Variants in PIGL observed in about 807,000 individuals in gnomAD.
The protein encoded by PIGL is phosphatidylinositol glycan anchor biosynthesis class L, also known as N-acetylglucosaminyl-phosphatidylinositol de-N-acetylase.
PIGL carries 22 observed loss-of-function variants against 31.1 expected under a neutral mutation model. The ratio of observed to expected loss-of-function variants is 0.71; its 90% CI spans 0.51 to 1.01. PIGL has a LOEUF of 1.01. Ranked by LOEUF, PIGL falls within the 50% of genes least tolerant of loss-of-function variation. The probability of loss-of-function intolerance (pLI) is 0.00; values close to 1 mark genes in which losing one functional copy is unlikely to be tolerated. For missense variants in PIGL, 302 were observed against 315.9 expected, an observed-to-expected ratio of 0.96 and a Z score of 0.33; for synonymous variants, 131 against 117.4, an observed-to-expected ratio of 1.12 and a Z score of -0.75.
At chr17:16,258,811 C>CT (rs2092807929) in intron 2 of PIGL, among the ~76,000 whole-genome samples, 1 of 152,110 alleles carries the variant, frequency 6.6e-6, no homozygotes, top group African/African-American at 2.4e-5. Context: ...TGGAAGTAGA[C>CT]ATTTTTTTAT....
rs1008296120 is a variant in PIGL, at chr17:16,224,350, A to G, written c.235+6889A>G. Reference sequence around the variant, plus strand: ...CCAAATACCTTTTTTATGGGGGAAGACAGAGCCTCACTGTTGCACAATCTT... The same window carrying G: ...CCAAATACCTTTTTTATGGGGGAAGGCAGAGCCTCACTGTTGCACAATCTT... On this transcript the variant is annotated intron_variant, in intron 1 of 6. Coordinates refer to ENST00000225609, the MANE Select transcript of PIGL (RefSeq NM_004278.4). Among the ~76,000 whole-genome samples, 3 of 152,118 alleles carry G rather than the reference A, an allele frequency of 2.0e-5. No individual in the cohort carries two copies. The South Asian group carries it at 6.2e-4, about 32-fold the overall frequency.
At chr17:16,282,357 TATAGG>T (rs2092919925) in intron 2 of PIGL, among the ~76,000 whole-genome samples, 1 of 152,042 alleles carries the variant, frequency 6.6e-6, no homozygotes, top group East Asian at 1.9e-4. Context: ...AAGCCTAAGT[TATAGG>T]AGAGAGATAG....
chr17:16,299,800 C>A, intron 2 of PIGL, 88 bp from the exon 3 acceptor site: 1 of 900,810 alleles, frequency 1.1e-6, no homozygotes, highest in Non-Finnish European at 1.9e-6. Context: ...ATGTAACTAT[C>A]ATAAAACTGG....
intron 2 of PIGL, among the ~76,000 whole-genome samples, chr17:16,271,822 G>A (rs1262631435): frequency 6.6e-6 from 1 of 152,178 alleles, no homozygotes; most frequent in East Asian, 1.9e-4. Context: ...GAACCACTGT[G>A]CCCGGCCAGA....
chr17:16,310,077 C>CAAAAAAAAAAAAAAA (rs58352380), intron 3 of PIGL, among the ~76,000 whole-genome samples: 1 of 88,780 alleles, frequency 1.1e-5, no homozygotes. Context: ...GACTCCATCT[C>CAAAAAAAAAAAAAAA]AAAAAAAAAA....
intron 1 of PIGL, among the ~76,000 whole-genome samples, chr17:16,223,347 G>C (rs2092637807): frequency 1.3e-5 from 2 of 151,974 alleles, no homozygotes; most frequent in South Asian, 4.2e-4. Flanking sequence ...GGGAGGCCAA[G>C]GTGGGCAGAT....
Position 16,232,890 on chromosome 17 carries a change from C to T in PIGL, c.236-1081C>T, listed in dbSNP as rs145625475. ...ATCCCAGCACTTTGGGAGGCTGAGG[C>T]GGATGGATCACAAGGTCAGGAGTTC... On this transcript the variant is annotated intron_variant, in intron 1 of 6. Coordinates refer to ENST00000225609, the MANE Select transcript of PIGL (RefSeq NM_004278.4). Among the ~76,000 whole-genome samples the T allele has an allele frequency of 4.0e-3, 610 of 152,052 alleles. 2 individuals carry two copies. Among genetic ancestry groups the T allele is most frequent in the Non-Finnish European group, 6.3e-3 (425 of 67,964 alleles).
At chr17:16,319,223 C>CAAAAAAAAAAA (rs11379081) in intron 6 of PIGL, among the ~76,000 whole-genome samples, 1 of 82,980 alleles carries the variant, frequency 1.2e-5, no homozygotes, top group African/African-American at 4.4e-5. Context: ...AGACCCTAGC[C>CAAAAAAAAAAA]AAAAAAAAAA....
rs116819904 is a variant in PIGL at position 16,249,148 on chromosome 17, G to T, written c.335+15078G>T. On this transcript the variant is annotated intron_variant, in intron 2 of 6. Coordinates refer to ENST00000225609, the MANE Select transcript of PIGL (RefSeq NM_004278.4). Reference sequence around the variant, plus strand: ...AACTGTGGTCTAAAAATATTAAATGGAAATTCCAGAAATAAACAATTTATA... The same window carrying T: ...AACTGTGGTCTAAAAATATTAAATGTAAATTCCAGAAATAAACAATTTATA... Among the ~76,000 whole-genome samples the T allele has an allele frequency of 6.3e-3, 962 of 152,236 alleles. 18 individuals carry two copies. The highest frequency in any genetic ancestry group is 0.022 in the African/African-American group (894 of 41,554).
At chr17:16,286,241 G>C (rs1331977273) in intron 2 of PIGL, among the ~76,000 whole-genome samples, 1 of 152,262 alleles carries the variant, frequency 6.6e-6, no homozygotes, top group African/African-American at 2.4e-5. Context: ...AGTGGGACTC[G>C]GTTTTCAGAG....
chr17:16,259,264 G>A lies in PIGL; in HGVS notation c.335+25194G>A, dbSNP rs897790098. ...TTTTAAATAATACATTCTAAGCCTC[G>A]ATCCTGGACTTTGCAGGAAAAAAAA... On this transcript the variant is annotated intron_variant, in intron 2 of 6. Transcript: ENST00000225609. Among the ~76,000 whole-genome samples, 49 of 148,048 alleles carry A rather than the reference G, an allele frequency of 3.3e-4. 2 individuals carry two copies. The highest frequency in any genetic ancestry group is 3.0e-5 in the Non-Finnish European group (2 of 67,540).
chr17:16,298,627 T>C (rs4792731), intron 2 of PIGL, among the ~76,000 whole-genome samples: 71,843 of 152,060 alleles, frequency 0.47, 17,399 homozygotes, highest in Middle Eastern at 0.55. Context: ...AGGGAGGATG[T>C]AGCCAGCTCC....
chr17:16,240,683 T>C (rs1361458042), intron 2 of PIGL, among the ~76,000 whole-genome samples: 2 of 150,484 alleles, frequency 1.3e-5, no homozygotes, highest in Non-Finnish European at 3.0e-5. Context: ...TTTTTTTCGG[T>C]AGAGATGGAG....
intron 2 of PIGL, among the ~76,000 whole-genome samples, chr17:16,273,290 G>A (rs552082476): frequency 6.6e-6 from 1 of 152,276 alleles, no homozygotes; most frequent in South Asian, 2.1e-4. Flanking sequence ...TTAGCCAGGT[G>A]CATTCCATAT....
At chr17:16,324,547 CAG>C (rs1413043075) in intron 6 of PIGL, among the ~76,000 whole-genome samples, 2 of 150,940 alleles carry the variant, frequency 1.3e-5, no homozygotes, top group African/African-American at 4.9e-5. Flanking sequence ...TTAGTAGAGA[CAG>C]AGTTTCTCCA....
intron 2 of PIGL, among the ~76,000 whole-genome samples, chr17:16,263,093 T>G (rs1200588338): frequency 4.3e-5 from 6 of 139,944 alleles, no homozygotes; most frequent in South Asian, 2.3e-4. Context: ...ATGGTTTATT[T>G]GGGGGGGGGG....
At chr17:16,299,828 C>CT in intron 2 of PIGL, 60 bp from the exon 3 acceptor site, 5 of 1,237,564 alleles carry the variant, frequency 4.0e-6, no homozygotes, top group African/African-American at 1.5e-5. Context: ...CCTACTGGAG[C>CT]TTAGGGAGAA....
intron 2 of PIGL, among the ~76,000 whole-genome samples, chr17:16,283,461 C>T (rs1029796821): frequency 2.6e-5 from 4 of 151,536 alleles, no homozygotes; most frequent in African/African-American, 9.7e-5. Flanking sequence ...GAGCAAGACC[C>T]TATTTCAAAA....
chr17:16,230,313 C>T (rs948113566), intron 1 of PIGL, among the ~76,000 whole-genome samples: 1 of 152,172 alleles, frequency 6.6e-6, no homozygotes, highest in Non-Finnish European at 1.5e-5. Flanking sequence ...TTGGTAGTCA[C>T]TTCTTGCTAT....
Sources: gnomAD v4.1 joint callset for allele counts (sites outside exome capture counted in the v4.1 genomes callset) on GRCh38, gnomAD v4.1.1 for gene constraint, MANE v1.5 for transcripts, NCBI Gene and HGNC (gene_info 2026-07-23, HGNC 2026-07-21) for gene names.